SLC10A7: variants seen among roughly 807,000 people sequenced by gnomAD.
SLC10A7 encodes sodium/bile acid cotransporter 7.
Under a neutral mutation model 43.2 loss-of-function variants are expected in SLC10A7, and 29 were observed. That is an observed-to-expected ratio of 0.67 (90% CI 0.50 to 0.92). The LOEUF is 0.92. Among genes scored for constraint, SLC10A7 ranks in the 40% least tolerant of loss-of-function variants. The pLI is 0.00. For missense variants in SLC10A7, 295 were observed against 403.2 expected, an observed-to-expected ratio of 0.73 and a Z score of 2.30; for synonymous variants, 152 against 144.8, an observed-to-expected ratio of 1.05 and a Z score of -0.35.
At chr4:146,288,759 T>C (rs1730204823) in intron 9 of SLC10A7, among the ~76,000 whole-genome samples, 1 of 152,238 alleles carries the variant, frequency 6.6e-6, no homozygotes, top group African/African-American at 2.4e-5. Context: ...ATCACATTAC[T>C]ATTTATTTTC....
intron 4 of SLC10A7, among the ~76,000 whole-genome samples, chr4:146,486,539 T>G (rs997152330): frequency 6.6e-6 from 1 of 152,222 alleles, no homozygotes; most frequent in Admixed American, 6.5e-5. Flanking sequence ...AATAAATTTT[T>G]TAAAAACATA....
At chr4:146,483,368 T>G (rs1734647553) in intron 4 of SLC10A7, among the ~76,000 whole-genome samples, 1 of 152,174 alleles carries the variant, frequency 6.6e-6, no homozygotes, top group Admixed American at 6.5e-5. Flanking sequence ...AAAGTTCTTG[T>G]ATGTGACAGA....
chr4:146,428,620 C>A (rs1013640752), intron 5 of SLC10A7, among the ~76,000 whole-genome samples: 2 of 151,366 alleles, frequency 1.3e-5, no homozygotes, highest in East Asian at 1.9e-4. Context: ...CTTTATACAT[C>A]ATTGAATTGG....
chr4:146,491,978 G>A (rs1287338007), intron 4 of SLC10A7, among the ~76,000 whole-genome samples: 6 of 152,186 alleles, frequency 3.9e-5, no homozygotes, highest in Non-Finnish European at 7.4e-5. Context: ...AGCACTTTGG[G>A]AGGCTGAGGC....
chr4:146,434,221 T>C (rs1730026197), intron 5 of SLC10A7, among the ~76,000 whole-genome samples: 1 of 152,194 alleles, frequency 6.6e-6, no homozygotes, highest in African/African-American at 2.4e-5. Flanking sequence ...ACACAGGACA[T>C]AGACCAAAAT....
At chr4:146,425,953 T>C (rs1213840506) in intron 5 of SLC10A7, among the ~76,000 whole-genome samples, 1 of 152,206 alleles carries the variant, frequency 6.6e-6, no homozygotes, top group African/African-American at 2.4e-5. Context: ...CTTAGTAAAA[T>C]ACTTTCTCTT....
intron 10 of SLC10A7, among the ~76,000 whole-genome samples, chr4:146,270,993 T>C (rs1045015955): frequency 1.6e-4 from 25 of 152,114 alleles, no homozygotes; most frequent in African/African-American, 5.3e-4. Flanking sequence ...GGCTTGCAAG[T>C]TTGGGTGTCT....
In SLC10A7 at chr4:146,408,119, A is replaced by G. The variant is rs540234830; in HGVS notation, c.435+34664T>C. Among the ~76,000 whole-genome samples, 5 of 152,286 alleles carry G rather than the reference A, an allele frequency of 3.3e-5. No individual in the cohort carries two copies. The East Asian group carries it at 9.6e-4, about 29-fold the overall frequency. ...GCCTCCTGGAAATGCTTGTTCTAAC[A>G]TATAAAAGGACAGAAATAACAGGAT... On this transcript the variant is annotated intron_variant, in intron 5 of 11. Transcript: ENST00000335472.
chr4:146,323,829 C>T (rs1360523458), intron 6 of SLC10A7, among the ~76,000 whole-genome samples: 2 of 152,062 alleles, frequency 1.3e-5, no homozygotes, highest in African/African-American at 4.8e-5. Flanking sequence ...CCAGGGCAAT[C>T]AGGCAGGAGA....
Position 146,417,026 on chromosome 4 carries a change from G to A in SLC10A7, c.435+25757C>T, listed in dbSNP as rs183794697. On this transcript the variant is annotated intron_variant, in intron 5 of 11. Coordinates refer to ENST00000335472, the MANE Select transcript of SLC10A7 (RefSeq NM_001029998.6). ...TTTATCCCTTTCCTGCTTCATTTCT[G>A]TTCTCTCCATAAGATATATATATAA... 1.9e-3 allele frequency among the ~76,000 whole-genome samples: 294 copies of A among 152,070 alleles called. 2 individuals carry two copies. Among genetic ancestry groups the A allele is most frequent in the Non-Finnish European group, 3.4e-3 (234 of 68,002 alleles).
chr4:146,323,838 G>A (rs1196624307), intron 6 of SLC10A7, among the ~76,000 whole-genome samples: 1 of 152,120 alleles, frequency 6.6e-6, no homozygotes, highest in East Asian at 1.9e-4. Flanking sequence ...TCAGGCAGGA[G>A]AAAGAAATAA....
At chr4:146,346,549 T>C (rs1734635008) in intron 5 of SLC10A7, among the ~76,000 whole-genome samples, 1 of 152,194 alleles carries the variant, frequency 6.6e-6, no homozygotes, top group Non-Finnish European at 1.5e-5. Flanking sequence ...CAGAATTACA[T>C]AGATACATGT....
chr4:146,395,117 C>T (rs1453708073), intron 5 of SLC10A7, among the ~76,000 whole-genome samples: 1 of 152,048 alleles, frequency 6.6e-6, no homozygotes, highest in Non-Finnish European at 1.5e-5. Context: ...GCCTATAATC[C>T]CAGCACCTTT....
intron 11 of SLC10A7, 171 bp from the exon 12 acceptor site, chr4:146,256,691 T>C (rs781038888): frequency 8.6e-5 from 85 of 982,942 alleles, no homozygotes; most frequent in Non-Finnish European, 1.2e-4. Flanking sequence ...CCTGCCCACC[T>C]CTCTGGCCAG....
intron 7 of SLC10A7, among the ~76,000 whole-genome samples, chr4:146,296,032 A>G (rs1730761539): frequency 6.6e-6 from 1 of 152,182 alleles, no homozygotes; most frequent in Non-Finnish European, 1.5e-5. Flanking sequence ...GTAATAATTA[A>G]TCAACTGTAT....
At chr4:146,322,982 G>A (rs1045484512) in intron 6 of SLC10A7, among the ~76,000 whole-genome samples, 1 of 152,146 alleles carries the variant, frequency 6.6e-6, no homozygotes, top group African/African-American at 2.4e-5. Flanking sequence ...GTGATGATGA[G>A]CATTTTTTCA....
intron 2 of SLC10A7, among the ~76,000 whole-genome samples, chr4:146,516,651 A>G (rs1738026571): frequency 6.6e-6 from 1 of 152,070 alleles, no homozygotes; most frequent in Admixed American, 6.5e-5. Flanking sequence ...GAACAGCATG[A>G]GTCCTGGGAA....
intron 4 of SLC10A7, among the ~76,000 whole-genome samples, chr4:146,494,660 C>T (rs1735734772): frequency 6.6e-6 from 1 of 152,066 alleles, no homozygotes; most frequent in Non-Finnish European, 1.5e-5. Context: ...CATCTCCACT[C>T]ATCTTTTCTG....
intron 5 of SLC10A7, among the ~76,000 whole-genome samples, chr4:146,419,186 T>G (rs1728785175): frequency 6.6e-6 from 1 of 152,154 alleles, no homozygotes; most frequent in Non-Finnish European, 1.5e-5. Context: ...CATTGGCCAT[T>G]GGTGATCAAC....
Sources: gnomAD v4.1 joint callset for allele counts (sites outside exome capture counted in the v4.1 genomes callset) on GRCh38, gnomAD v4.1.1 for gene constraint, MANE v1.5 for transcripts, NCBI Gene and HGNC (gene_info 2026-07-23, HGNC 2026-07-21) for gene names.